The following NXPH1 variants were observed in gnomAD, a reference collection of about 807,000 sequenced individuals.
NXPH1 encodes the protein neurexophilin-1.
In NXPH1, 5 loss-of-function variants were observed where a neutral mutation model predicts 23.7. That is an observed-to-expected ratio of 0.21 (90% confidence interval 0.11 to 0.44). The LOEUF (loss-of-function observed/expected upper bound fraction) is 0.44, where lower values mean the gene tolerates loss of function less well. NXPH1 is among the 20% of genes least tolerant of loss of function. The pLI is 0.99. For missense variants in NXPH1, 324 were observed against 321.6 expected (o/e 1.01, Z -0.06); for synonymous variants, 144 against 122.2 (o/e 1.18, Z -1.18).
At chr7:8,599,833 G>A (rs1347516254) in intron 2 of NXPH1, among the ~76,000 whole-genome samples, 1 of 150,372 alleles carries the variant, frequency 6.7e-6, no homozygotes, top group Admixed American at 6.6e-5. Flanking sequence ...GGTGAAGGGA[G>A]GGATTGTTGG....
chr7:8,476,232 T>C (rs144529868), intron 2 of NXPH1, among the ~76,000 whole-genome samples: 17 of 152,296 alleles, frequency 1.1e-4, no homozygotes, highest in African/African-American at 2.6e-4. Flanking sequence ...TGGCCTGTTC[T>C]TGGCAACACT....
At chr7:8,708,539 T>G (rs1355688093) in intron 2 of NXPH1, among the ~76,000 whole-genome samples, 1 of 151,384 alleles carries the variant, frequency 6.6e-6, no homozygotes, top group Admixed American at 6.6e-5. Flanking sequence ...TTTTTGTATT[T>G]TTAGTAGAGA....
chr7:8,499,699 G>C (rs958735014), intron 2 of NXPH1, among the ~76,000 whole-genome samples: 2 of 152,050 alleles, frequency 1.3e-5, no homozygotes, highest in African/African-American at 4.8e-5. Flanking sequence ...ACAAAAGCTA[G>C]ACTCCCAGTG....
intron 2 of NXPH1, among the ~76,000 whole-genome samples, chr7:8,540,715 C>T (rs1818102390): frequency 6.6e-6 from 1 of 151,706 alleles, no homozygotes; most frequent in Admixed American, 6.6e-5. Context: ...ATTAACCAGC[C>T]TACAGAAGGA....
At chr7:8,693,286 T>A (rs1029887511) in intron 2 of NXPH1, among the ~76,000 whole-genome samples, 2 of 152,222 alleles carry the variant, frequency 1.3e-5, no homozygotes, top group Non-Finnish European at 2.9e-5. Context: ...TGAGTTTGAA[T>A]CCACATTCCA....
chr7:8,439,102 G>GT (rs34251759), intron 2 of NXPH1, among the ~76,000 whole-genome samples: 2,336 of 152,216 alleles, frequency 0.015, 59 homozygotes, highest in African/African-American at 0.054. Context: ...GAAGTCTATG[G>GT]TTAACAACGC....
In NXPH1 at chr7:8,704,118, T is replaced by C. The variant is rs138182249; in HGVS notation, c.55-46890T>C. 1.1e-3 allele frequency among the ~76,000 whole-genome samples: 173 copies of C among 152,262 alleles called. 1 individual carries two copies. Among genetic ancestry groups the C allele is most frequent in the African/African-American group, 3.8e-3 (157 of 41,560 alleles). ...GGTTAAACTTACTGCTATGGTTAAA[T>C]TGGCAGAAATTTGTGATTTCATGTT... On this transcript the variant is annotated intron_variant, in intron 2 of 2. Coordinates refer to ENST00000405863, the MANE Select transcript of NXPH1 (RefSeq NM_152745.3).
At chr7:8,492,367 A>G (rs1227905757) in intron 2 of NXPH1, among the ~76,000 whole-genome samples, 2 of 152,046 alleles carry the variant, frequency 1.3e-5, no homozygotes, top group Non-Finnish European at 2.9e-5. Flanking sequence ...TGATTTAGCC[A>G]TGTAAGAGCT....
At chr7:8,539,131 C>G (rs774022548) in intron 2 of NXPH1, among the ~76,000 whole-genome samples, 26 of 151,830 alleles carry the variant, frequency 1.7e-4, no homozygotes, top group South Asian at 4.2e-4. Context: ...ATTGCAACTT[C>G]ACTCTCCTGG....
chr7:8,741,825 C>T (rs1780369218), intron 2 of NXPH1, among the ~76,000 whole-genome samples: 1 of 152,094 alleles, frequency 6.6e-6, no homozygotes, highest in Non-Finnish European at 1.5e-5. Flanking sequence ...ATAGATGTAG[C>T]TAAGAATATG....
intron 2 of NXPH1, among the ~76,000 whole-genome samples, chr7:8,521,914 G>C (rs939898657): frequency 6.6e-6 from 1 of 152,142 alleles, no homozygotes; most frequent in African/African-American, 2.4e-5. Context: ...CAGGAGGAGA[G>C]ATAGCCTGAG....
chr7:8,745,395 A>G (rs1415400840), intron 2 of NXPH1, among the ~76,000 whole-genome samples: 1 of 150,578 alleles, frequency 6.6e-6, no homozygotes, highest in Non-Finnish European at 1.5e-5. Context: ...GGAGTGTAAA[A>G]AAGTTGAACT....
intron 2 of NXPH1, among the ~76,000 whole-genome samples, chr7:8,630,629 A>T (rs969566030): frequency 6.6e-6 from 1 of 152,210 alleles, no homozygotes; most frequent in Admixed American, 6.6e-5. Context: ...CAATGTAATT[A>T]AAACTACTGA....
At chr7:8,518,697 G>A (rs997802281) in intron 2 of NXPH1, among the ~76,000 whole-genome samples, 5 of 151,992 alleles carry the variant, frequency 3.3e-5, no homozygotes, top group Non-Finnish European at 7.4e-5. Flanking sequence ...TGTCTCCCCA[G>A]GTGGCCTCAA....
intron 2 of NXPH1, among the ~76,000 whole-genome samples, chr7:8,735,635 G>A (rs944326937): frequency 6.6e-6 from 1 of 152,140 alleles, no homozygotes; most frequent in Non-Finnish European, 1.5e-5. Flanking sequence ...TTGGTACCAG[G>A]ATGATGCTGG....
chr7:8,732,623 C>T (rs1193956579), intron 2 of NXPH1, among the ~76,000 whole-genome samples: 1 of 152,106 alleles, frequency 6.6e-6, no homozygotes, highest in South Asian at 2.1e-4. Context: ...AAGAAATAGT[C>T]TTTTAATGTG....
At chr7:8,667,338 A>C (rs1489671069) in intron 2 of NXPH1, among the ~76,000 whole-genome samples, 1 of 150,748 alleles carries the variant, frequency 6.6e-6, no homozygotes, top group Non-Finnish European at 1.5e-5. Context: ...TCCCTTTCAC[A>C]TTTCAGGTCT....
intron 2 of NXPH1, among the ~76,000 whole-genome samples, chr7:8,479,606 A>G (rs2128609627): frequency 6.6e-6 from 1 of 152,288 alleles, no homozygotes; most frequent in East Asian, 1.9e-4. Context: ...TGGCTTTGAA[A>G]TAATATTTCT....
chr7:8,629,401 T>C (rs1052443001), intron 2 of NXPH1, among the ~76,000 whole-genome samples: 49 of 152,254 alleles, frequency 3.2e-4, no homozygotes, highest in African/African-American at 1.1e-3. Context: ...TTGTAACTAC[T>C]AAGAAAAGTG....
Sources: gnomAD v4.1 joint callset for allele counts (sites outside exome capture counted in the v4.1 genomes callset) on GRCh38, gnomAD v4.1.1 for gene constraint, MANE v1.5 for transcripts, NCBI Gene and HGNC (gene_info 2026-07-23, HGNC 2026-07-21) for gene names.